The following SFMBT2 variants were observed in gnomAD, a reference collection of about 807,000 sequenced individuals.
SFMBT2 encodes the protein scm-like with four MBT domains protein 2.
In SFMBT2, 38 loss-of-function variants were observed where a neutral mutation model predicts 110.1. The observed-to-expected ratio is 0.35, with a 90% confidence interval of 0.27 to 0.45. The LOEUF (loss-of-function observed/expected upper bound fraction) is 0.45, where lower values mean the gene tolerates loss of function less well. Ranked by LOEUF, SFMBT2 falls within the 20% of genes least tolerant of loss-of-function variation. SFMBT2 has a pLI of 1.00. For synonymous variants in SFMBT2, 425 were observed against 425.4 expected (o/e 1.00, Z 0.01); for missense variants, 1,011 against 1,094.9 (o/e 0.92, Z 1.08).
chr10:7,249,063 G>C, intron 7 of SFMBT2: 1 of 973,598 alleles, frequency 1.0e-6, no homozygotes. Flanking sequence ...TGTACCCAAG[G>C]TCTGCCACCA....
chr10:7,327,994 T>C (rs1318673125), intron 4 of SFMBT2, among the ~76,000 whole-genome samples: 1 of 152,192 alleles, frequency 6.6e-6, no homozygotes, highest in Non-Finnish European at 1.5e-5. Context: ...GGAGTACAAT[T>C]GCTGGGTTGT....
At chr10:7,358,064 A>G (rs1844577254) in intron 4 of SFMBT2, among the ~76,000 whole-genome samples, 1 of 151,694 alleles carries the variant, frequency 6.6e-6, no homozygotes, top group Non-Finnish European at 1.5e-5. Flanking sequence ...GCCCTAGAAC[A>G]TCTGCATGGG....
intron 1 of SFMBT2, 143 bp from the exon 2 acceptor site, chr10:7,382,092 T>C: frequency 2.1e-6 from 1 of 477,912 alleles, no homozygotes; most frequent in South Asian, 3.6e-5. Flanking sequence ...AATGTTGTAA[T>C]AGAAAATACC....
At chr10:7,295,623 C>A (rs1037916663) in intron 4 of SFMBT2, among the ~76,000 whole-genome samples, 12 of 152,174 alleles carry the variant, frequency 7.9e-5, no homozygotes, top group Non-Finnish European at 1.5e-4. Flanking sequence ...ACTGCCATTT[C>A]TTTTTATTTT....
intron 4 of SFMBT2, among the ~76,000 whole-genome samples, chr10:7,354,005 C>T (rs1001580925): frequency 3.3e-5 from 5 of 150,544 alleles, no homozygotes; most frequent in Middle Eastern, 3.4e-3. Flanking sequence ...GAGAATCGCT[C>T]GAACCCGGGA....
At chr10:7,197,428 G>C in intron 15 of SFMBT2, 120 bp downstream of exon 15, 1 of 1,353,882 alleles carries the variant, frequency 7.4e-7, no homozygotes, top group Admixed American at 2.1e-5. Context: ...AGAGAACGGA[G>C]GTCTCGGTAA....
chr10:7,248,764 T>C, intron 7 of SFMBT2, 115 bp from the exon 8 acceptor site: 1 of 791,738 alleles, frequency 1.3e-6, no homozygotes, highest in Non-Finnish European at 2.0e-6. Flanking sequence ...ATGGAGACAA[T>C]TAACCTTCCC....
chr10:7,164,737 A>G (rs1453962685), intron 20 of SFMBT2, among the ~76,000 whole-genome samples: 1 of 142,202 alleles, frequency 7.0e-6, no homozygotes, highest in African/African-American at 2.8e-5. Context: ...ACAGGTTTCC[A>G]TAAAGGGAAA....
intron 4 of SFMBT2, among the ~76,000 whole-genome samples, chr10:7,291,031 T>C (rs545534071): frequency 3.7e-4 from 56 of 152,098 alleles, no homozygotes; most frequent in African/African-American, 1.3e-3. Context: ...GCTGTGAGTA[T>C]AAAGCCCTTG....
chr10:7,390,131 T>G (rs1401496990), intron 1 of SFMBT2, among the ~76,000 whole-genome samples: 2 of 152,162 alleles, frequency 1.3e-5, no homozygotes, highest in African/African-American at 4.8e-5. Flanking sequence ...ACACGTTGGC[T>G]ACAGTGCACT....
In SFMBT2 at chr10:7,377,986, G is replaced by A. The variant is rs1183703258; in HGVS notation, c.100+3813C>T. On this transcript the variant is annotated intron_variant, in intron 2 of 20. Transcript: ENST00000397167. ...GGGGGGGGGTTGTGTGTGTGGGGGG[G>A]AGGTGGGTGTGAATGTGGGGGTGTA... Among the ~76,000 whole-genome samples the A allele has an allele frequency of 6.3e-5, 9 of 141,876 alleles. No individual in the cohort carries two copies. The East Asian group carries it at 1.9e-3, about 31-fold the overall frequency. The allele number at this position is 141,876 out of a possible 152,430, so 93.1% of individuals were successfully genotyped here. A position where few individuals can be genotyped will look rare whatever the true frequency, so the allele number is the denominator to read the frequency against.
intron 7 of SFMBT2, among the ~76,000 whole-genome samples, chr10:7,275,660 T>C (rs1184746312): frequency 1.3e-5 from 2 of 152,168 alleles, no homozygotes; most frequent in South Asian, 2.1e-4. Flanking sequence ...CCCCAAACAC[T>C]GTAAAAATCA....
intron 4 of SFMBT2, among the ~76,000 whole-genome samples, chr10:7,341,378 C>A (rs1843897903): frequency 6.6e-6 from 1 of 152,206 alleles, no homozygotes; most frequent in African/African-American, 2.4e-5. Context: ...CATTCTGGTT[C>A]TACTAAGGGA....
chr10:7,380,544 C>A (rs1408110325), intron 2 of SFMBT2, among the ~76,000 whole-genome samples: 1 of 152,176 alleles, frequency 6.6e-6, no homozygotes, highest in African/African-American at 2.4e-5. Flanking sequence ...AAGTGACCTG[C>A]TAACTTAATG....
chr10:7,203,509 T>C (rs1038488501), intron 12 of SFMBT2: 3 of 210,660 alleles, frequency 1.4e-5, no homozygotes, highest in African/African-American at 4.7e-5. Context: ...GTGTTCACCT[T>C]AACCTGTATA....
At chr10:7,307,181 A>G (rs1842721024) in intron 4 of SFMBT2, among the ~76,000 whole-genome samples, 1 of 152,220 alleles carries the variant, frequency 6.6e-6, no homozygotes, top group Non-Finnish European at 1.5e-5. Context: ...AATGTTTTAT[A>G]AAAATACATA....
chr10:7,260,550 A>G (rs1227871937), intron 7 of SFMBT2, among the ~76,000 whole-genome samples: 1 of 152,140 alleles, frequency 6.6e-6, no homozygotes, highest in East Asian at 1.9e-4. Context: ...AAGGAAACCT[A>G]TTCCAGAAAC....
At chr10:7,317,452 A>G (rs962891474) in intron 4 of SFMBT2, among the ~76,000 whole-genome samples, 1 of 152,038 alleles carries the variant, frequency 6.6e-6, no homozygotes, top group Admixed American at 6.6e-5. Flanking sequence ...AGACCAGCCG[A>G]CTAACATGGA....
At chr10:7,167,342 G>A (rs1837723203) in intron 20 of SFMBT2, among the ~76,000 whole-genome samples, 2 of 152,312 alleles carry the variant, frequency 1.3e-5, no homozygotes, top group Non-Finnish European at 2.9e-5. Flanking sequence ...GTACAGGTTT[G>A]CAGCATGAGA....
Sources: gnomAD v4.1 joint callset for allele counts (sites outside exome capture counted in the v4.1 genomes callset) on GRCh38, gnomAD v4.1.1 for gene constraint, MANE v1.5 for transcripts, NCBI Gene and HGNC (gene_info 2026-07-23, HGNC 2026-07-21) for gene names.